IFI16: variants seen among roughly 807,000 people sequenced by gnomAD.
IFI16 encodes interferon gamma inducible protein 16.
Under a neutral mutation model 68.4 loss-of-function variants are expected in IFI16, and 49 were observed. That is an observed-to-expected ratio of 0.72 (90% CI 0.57 to 0.91). The LOEUF is 0.91. IFI16 is among the 40% of genes least tolerant of loss of function. The pLI is 0.00. For missense variants in IFI16, 878 were observed against 942.9 expected, an observed-to-expected ratio of 0.93 and a Z score of 0.90; for synonymous variants, 307 against 315.0, an observed-to-expected ratio of 0.97 and a Z score of 0.27.
At chr1:159,033,602 G>C (rs1654138660) in intron 7 of IFI16, among the ~76,000 whole-genome samples, 1 of 152,166 alleles carries the variant, frequency 6.6e-6, no homozygotes, top group Non-Finnish European at 1.5e-5. Context: ...GTACAGAAAG[G>C]TTAAAAATCT....
intron 6 of IFI16, among the ~76,000 whole-genome samples, chr1:159,026,920 G>C (rs1413529721): frequency 6.6e-6 from 1 of 152,072 alleles, no homozygotes; most frequent in Non-Finnish European, 1.5e-5. Context: ...CCAATTCTAG[G>C]AGCTTTTTGA....
intron 9 of IFI16, among the ~76,000 whole-genome samples, chr1:159,050,408 G>A (rs1341440409): frequency 6.6e-6 from 1 of 152,132 alleles, no homozygotes; most frequent in Non-Finnish European, 1.5e-5. Flanking sequence ...CTTGTGTCAG[G>A]GTACTGATGT....
At position 159,014,666 on chromosome 1, in the gene IFI16, CT is replaced by C; in HGVS notation, c.-13del. 6.3e-7 allele frequency: 1 copy of C among 1,579,674 alleles called. No homozygotes were observed. Among genetic ancestry groups the C allele is most frequent in the Middle Eastern group, 1.7e-4 (1 of 5,896 alleles). ...TATACCATTTTCTCTTGTAGGCTCA[CT>C]TATGTCTGTAAAGATGGGAAAAAAA... On this transcript the variant is annotated 5_prime_UTR_variant, in exon 2 of 12. Transcript: ENST00000295809.
chr1:159,013,742 A>G (rs1170405497), intron 1 of IFI16, among the ~76,000 whole-genome samples: 2 of 152,170 alleles, frequency 1.3e-5, no homozygotes, highest in African/African-American at 2.4e-5. Flanking sequence ...GTAAGAAGGA[A>G]CTAGCAAAGT....
At chr1:159,052,258 A>G in intron 10 of IFI16, 160 bp downstream of exon 10, 1 of 605,254 alleles carries the variant, frequency 1.7e-6, no homozygotes, top group Non-Finnish European at 2.9e-6. Context: ...TCATTTCAGG[A>G]TATGGGGTAC....
intron 6 of IFI16, among the ~76,000 whole-genome samples, chr1:159,022,444 T>C (rs1427300909): frequency 1.3e-5 from 2 of 152,204 alleles, no homozygotes; most frequent in Admixed American, 6.5e-5. Context: ...GGAGACAGGC[T>C]CATTTATAAT....
intron 7 of IFI16, among the ~76,000 whole-genome samples, chr1:159,042,949 C>A (rs1053349298): frequency 2.4e-4 from 37 of 152,194 alleles, no homozygotes; most frequent in Non-Finnish European, 4.3e-4. Flanking sequence ...CCCATGGCAA[C>A]TTGAGGGATA....
At chr1:159,011,382 CAA>C (rs67588505) in intron 1 of IFI16, among the ~76,000 whole-genome samples, 97 of 133,378 alleles carry the variant, frequency 7.3e-4, no homozygotes, top group Middle Eastern at 3.8e-3. Flanking sequence ...GGCTCTGTCT[CAA>C]AAAAAAAAAA....
chr1:159,006,751 T>G (rs1251486907), upstream of IFI16, among the ~76,000 whole-genome samples: 1 of 151,310 alleles, frequency 6.6e-6, no homozygotes, highest in African/African-American at 2.4e-5. Context: ...TATAGGGTGG[T>G]TCTTAGTCCA....
chr1:159,030,021 A>T (rs66831955), intron 6 of IFI16, among the ~76,000 whole-genome samples: 3 of 151,920 alleles, frequency 2.0e-5, no homozygotes, highest in Non-Finnish European at 2.9e-5. Flanking sequence ...CATCTTTGTC[A>T]GATTGAGTTA....
chr1:159,025,674 A>C (rs1653624466), intron 6 of IFI16, among the ~76,000 whole-genome samples: 1 of 152,204 alleles, frequency 6.6e-6, no homozygotes, highest in Non-Finnish European at 1.5e-5. Flanking sequence ...TTTTTAGCTT[A>C]ATTAAGTTCC....
At chr1:159,047,771 T>C (rs1655085471) in intron 8 of IFI16, among the ~76,000 whole-genome samples, 1 of 148,850 alleles carries the variant, frequency 6.7e-6, no homozygotes, top group Non-Finnish European at 1.5e-5. Context: ...AAGTAGTTTT[T>C]CTATAATAGA....
Position 159,020,464 on chromosome 1 carries a change from T to C in IFI16, c.1096T>C (p.Cys366Arg), listed in dbSNP as rs1309471487. 1.2e-6 allele frequency: 2 copies of C among 1,613,598 alleles called. No individual in the cohort carries two copies. Among genetic ancestry groups the C allele is most frequent in the Non-Finnish European group, 1.7e-6 (2 of 1,179,718 alleles). ...CEEGDKLQLFCFRLRKKNQMS... is the reference protein window; with the variant it reads ...CEEGDKLQLFRFRLRKKNQMS... ...AGAAGGAGATAAGCTCCAACTTTTC[T>C]GCTTTCGACTTAGAAAAAAGAACCA... is the stretch of plus-strand genomic sequence containing the variant. Residue 366 changes from cysteine (C) to arginine (R), a missense_variant, in exon 6 of 12, where the codon TGC (cysteine) becomes CGC (arginine). This residue lies in a region of IFI16 where 443 missense variants were observed against 421.8 expected (regional missense o/e 1.05). Transcript: ENST00000295809.
upstream of IFI16, among the ~76,000 whole-genome samples, chr1:159,007,458 CA>C (rs1449867369): frequency 1.3e-5 from 2 of 152,170 alleles, no homozygotes; most frequent in Non-Finnish European, 2.9e-5. Flanking sequence ...GCTTAGCATT[CA>C]AGTGCATGGG....
chr1:159,050,382 C>G (rs77588415), intron 9 of IFI16, among the ~76,000 whole-genome samples: 1,975 of 152,232 alleles, frequency 0.013, 33 homozygotes, highest in South Asian at 0.035. Context: ...TAATTATTTC[C>G]TTAGGTTCTG....
At chr1:159,016,434 AT>A in intron 3 of IFI16, 98 bp from the exon 4 acceptor site, 2 of 1,129,312 alleles carry the variant, frequency 1.8e-6, no homozygotes, top group Non-Finnish European at 2.5e-6. Context: ...TCCAAGAAAC[AT>A]CTTCTTAGGA....
At position 159,014,855 on chromosome 1, in the gene IFI16, G is replaced by T. The variant is rs756194460; in HGVS notation, c.175G>T (p.Asp59Tyr). Reference protein sequence around the residue: ...ADLMEEKFRGDAGLGKLIKIF... With the variant: ...ADLMEEKFRGYAGLGKLIKIF... ...CTTGATGGAAGAAAAGTTCCGAGGT[G>T]ATGCTGGTTTGGGCAAACTAATAAA... Residue 59 changes from aspartate (D) to tyrosine (Y), a missense_variant, in exon 2 of 12, where the codon GAT becomes TAT. Around this residue, in one of 4 missense-constraint regions of IFI16, gnomAD observed 65 missense variants for 96.9 expected, o/e 0.67. Coordinates refer to ENST00000295809, the MANE Select transcript of IFI16 (RefSeq NM_001376587.1). The T allele has an allele frequency of 1.2e-6, 2 of 1,614,004 alleles. No individual in the cohort carries two copies.
upstream of IFI16, among the ~76,000 whole-genome samples, chr1:159,003,396 A>G (rs1023488589): frequency 6.6e-6 from 1 of 152,230 alleles, no homozygotes; most frequent in African/African-American, 2.4e-5. Flanking sequence ...AAATCACATA[A>G]CACTTAAATT....
intron 4 of IFI16, 141 bp from the exon 5 acceptor site, chr1:159,018,088 C>T: frequency 9.2e-6 from 6 of 653,658 alleles, no homozygotes; most frequent in Admixed American, 2.9e-5. Context: ...TGCCCTGGCT[C>T]GCAATCCCTC....
Sources: allele counts gnomAD v4.1 joint callset (sites outside exome capture counted in the v4.1 genomes callset), GRCh38; gene constraint gnomAD v4.1.1; regional missense constraint gnomAD v4.1.1; transcripts MANE v1.5; gene names NCBI Gene and HGNC (gene_info 2026-07-23, HGNC 2026-07-21).